Variants in HSH2D observed in about 807,000 individuals in gnomAD.
The protein encoded by HSH2D is hematopoietic SH2 domain-containing protein.
HSH2D carries 16 observed loss-of-function variants against 21.5 expected under a neutral mutation model. The observed-to-expected ratio is 0.74, with a 90% CI of 0.50 to 1.13. HSH2D has a LOEUF of 1.13. HSH2D is among the 50% of genes most tolerant of loss of function. HSH2D has a pLI of 0.00. For missense variants in HSH2D, 418 were observed against 441.4 expected (o/e 0.95, Z 0.47); for synonymous variants, 172 against 184.7 (o/e 0.93, Z 0.56).
intron 1 of HSH2D, among the ~76,000 whole-genome samples, chr19:16,135,534 C>A (rs2090957035): frequency 6.6e-6 from 1 of 152,168 alleles, no homozygotes; most frequent in Non-Finnish European, 1.5e-5. Context: ...CATAGCCCTG[C>A]CTACTCCTTC....
intron 1 of HSH2D, among the ~76,000 whole-genome samples, chr19:16,137,354 G>C (rs183645432): frequency 1.7e-3 from 255 of 152,110 alleles, no homozygotes; most frequent in African/African-American, 5.7e-3. Flanking sequence ...CCGGCCGGGC[G>C]CGGTAGCTCA....
intron 2 of HSH2D, chr19:16,151,393 C>T: frequency 3.0e-6 from 1 of 331,194 alleles, no homozygotes; most frequent in South Asian, 2.2e-5. Context: ...TTTGGGAGCA[C>T]TTACCAGGTA....
At chr19:16,146,387 C>T (rs1460057437) in intron 1 of HSH2D, among the ~76,000 whole-genome samples, 1 of 152,066 alleles carries the variant, frequency 6.6e-6, no homozygotes, top group African/African-American at 2.4e-5. Flanking sequence ...TTTAATGAAA[C>T]CAAGGCAGCC....
intron 1 of HSH2D, among the ~76,000 whole-genome samples, chr19:16,145,798 G>A (rs558489740): frequency 5.1e-4 from 78 of 152,226 alleles, no homozygotes; most frequent in African/African-American, 1.8e-3. Flanking sequence ...GTGAGTGGCC[G>A]GGCGCAGTGG....
At position 16,157,125 on chromosome 19, in the gene HSH2D, G is replaced by A. The variant is rs1040141394; in HGVS notation, c.475-85G>A. On this transcript the variant is annotated intron_variant, in intron 5 of 5. Transcript: ENST00000613986. The surrounding 1 kb of genome is among the most constrained non-coding windows in gnomAD (Gnocchi z 4.4). ...ACGTTTCTCAGCCACAGGGTGTCTG[G>A]GTGGAACCCAGGCTCCAATTTCTGG... is the stretch of plus-strand genomic sequence containing the variant. 1.8e-6 allele frequency: 2 copies of A among 1,139,800 alleles called. No homozygotes were observed. Among genetic ancestry groups the A allele is most frequent in the African/African-American group, 3.1e-5 (2 of 63,634 alleles). 70.6% of individuals were successfully genotyped at this position (1,139,800 alleles called of 1,614,324 possible). A position where few individuals can be genotyped will look rare whatever the true frequency, so the allele number is the denominator to read the frequency against.
At chr19:16,139,405 C>T (rs527716196), upstream of HSH2D, among the ~76,000 whole-genome samples, 12 of 152,276 alleles carry the variant, frequency 7.9e-5, no homozygotes, top group Non-Finnish European at 1.8e-4. Flanking sequence ...CACAGCAAGA[C>T]CCTGTCTACA....
upstream of HSH2D, among the ~76,000 whole-genome samples, chr19:16,138,730 A>G (rs2090980422): frequency 6.6e-6 from 1 of 151,960 alleles, no homozygotes; most frequent in Non-Finnish European, 1.5e-5. Context: ...TGCTGGGATT[A>G]CAGGTTTGAG....
chr19:16,154,464 T>C lies in HSH2D; in HGVS notation c.447T>C (p.Ala149=), dbSNP rs1046012106. ...ACTCCAACGCAGTGGCCGAGGAAGC[T>C]GCCTGCCCGGTGTCTGCCCCTGAGG... ...FLYSNAVAEE[A]ACPVSAPEEA... Residue 149 remains alanine, a synonymous_variant, in exon 5 of 6, where the codon GCT becomes GCC. Transcript: ENST00000613986. 1 of 1,552,740 alleles carries C rather than the reference T, an allele frequency of 6.4e-7. No homozygotes were observed.
chr19:16,135,204 A>G (rs940525393), intron 1 of HSH2D, among the ~76,000 whole-genome samples: 4 of 152,042 alleles, frequency 2.6e-5, no homozygotes, highest in African/African-American at 9.7e-5. Context: ...CCTGGGAGGC[A>G]GAGGTTGCAG....
rs35070155 is a variant in HSH2D at position 16,144,686 on chromosome 19, C to CTTTTTTTTT, written c.-28+928_-28+936dup. On this transcript the variant is annotated intron_variant, in intron 1 of 5. Transcript: ENST00000613986. ...GGCCATCTGGGTCGAATTCTAGGCT[C>CTTTTTTTTT]TTTTTTTTTTTTTTTTTTTTTTTTG... Among the ~76,000 whole-genome samples the CTTTTTTTTT allele has an allele frequency of 1.2e-3, 107 of 85,916 alleles. 4 individuals are homozygous for CTTTTTTTTT. The highest frequency in any genetic ancestry group is 4.1e-3 in the South Asian group (9 of 2,204). 56.4% of individuals were successfully genotyped at this position (85,916 alleles called of 152,430 possible). A position where few individuals can be genotyped will look rare whatever the true frequency, so the allele number is the denominator to read the frequency against.
upstream of HSH2D, among the ~76,000 whole-genome samples, chr19:16,142,315 C>T (rs1340625646): frequency 6.6e-6 from 1 of 152,176 alleles, no homozygotes; most frequent in African/African-American, 2.4e-5. Context: ...AAGATGATTC[C>T]TTCTCACCCT....
At chr19:16,150,935 G>T (rs2091140311) in intron 2 of HSH2D, among the ~76,000 whole-genome samples, 1 of 152,154 alleles carries the variant, frequency 6.6e-6, no homozygotes, top group African/African-American at 2.4e-5. Flanking sequence ...AAGGCCAGTG[G>T]CCTCTGTATT....
chr19:16,152,510 C>G (rs115528976), intron 2 of HSH2D, 42 bp from the exon 3 acceptor site: 8 of 1,290,978 alleles, frequency 6.2e-6, no homozygotes, highest in Non-Finnish European at 7.3e-6. Flanking sequence ...GTACGTGGGG[C>G]GGCTGGACTG....
At chr19:16,151,619 G>T (rs1248074524) in intron 2 of HSH2D, 1 of 455,816 alleles carries the variant, frequency 2.2e-6, no homozygotes, top group African/African-American at 2.0e-5. Context: ...CCACCCAAAG[G>T]TGCCTTAATC....
At chr19:16,139,662 C>T (rs1407266354), upstream of HSH2D, 1 of 152,256 alleles carries the variant, frequency 6.6e-6, no homozygotes, top group Non-Finnish European at 1.5e-5. Flanking sequence ...CAGCATTTTC[C>T]CAGCACTAAG....
chr19:16,152,524 C>A (rs1210827916), intron 2 of HSH2D, 28 bp from the exon 3 acceptor site: 27 of 1,430,766 alleles, frequency 1.9e-5, no homozygotes, highest in Non-Finnish European at 2.4e-5. Context: ...TGGACTGTTT[C>A]ATTTCCTTTC....
intron 2 of HSH2D, chr19:16,151,657 T>G: frequency 2.2e-6 from 1 of 452,708 alleles, no homozygotes; most frequent in Non-Finnish European, 4.4e-6. Flanking sequence ...GGGAAGGGGC[T>G]GTGGGAGATG....
Position 16,157,525 on chromosome 19 carries a change from G to A in HSH2D, c.790G>A (p.Gly264Ser). The A allele has an allele frequency of 6.2e-7, 1 of 1,613,928 alleles. No homozygotes were observed. The highest frequency in any genetic ancestry group is 1.1e-5 in the South Asian group (1 of 91,086). The change falls in exon 6 of 6, where the codon GGC becomes AGC. Residue 264 changes from glycine (G) to serine (S), a missense_variant. Gly to Ser is a moderately conservative substitution (Grantham distance 56). Transcript: ENST00000613986. The surrounding 1 kb of genome is among the most constrained non-coding windows in gnomAD (Gnocchi z 4.4). ...HSGDPTSGDR[G>S]YTDPCVATSL... is the part of the protein sequence containing the mutation. Reference sequence around the variant, plus strand: ...AGGGGATCCCACCTCGGGGGACAGAGGCTACACGGATCCCTGTGTGGCCAC... The same window carrying A: ...AGGGGATCCCACCTCGGGGGACAGAAGCTACACGGATCCCTGTGTGGCCAC...
chr19:16,144,894 A>G (rs1473604794), intron 1 of HSH2D, among the ~76,000 whole-genome samples: 1 of 150,434 alleles, frequency 6.6e-6, no homozygotes, highest in African/African-American at 2.4e-5. Context: ...GGGTTTCACC[A>G]TGTTAGCCAG....
Sources: gnomAD v4.1 joint callset for allele counts (sites outside exome capture counted in the v4.1 genomes callset) on GRCh38, gnomAD v4.1.1 for gene constraint, Gnocchi (gnomAD v3.1) non-coding constraint, MANE v1.5 for transcripts, NCBI Gene and HGNC (gene_info 2026-07-23, HGNC 2026-07-21) for gene names.